Variants in BATF3 observed in about 807,000 individuals in gnomAD.
The protein encoded by BATF3 is basic leucine zipper transcriptional factor ATF-like 3.
In BATF3, 8 loss-of-function variants were observed where a neutral mutation model predicts 16.1. That is an observed-to-expected ratio of 0.50 (90% confidence interval 0.29 to 0.90). The LOEUF (loss-of-function observed/expected upper bound fraction) is 0.90, where lower values mean the gene tolerates loss of function less well. Ranked by LOEUF, BATF3 falls within the 40% of genes least tolerant of loss-of-function variation. The pLI is 0.08. For synonymous variants in BATF3, 74 were observed against 72.7 expected (o/e 1.02, Z -0.09); for missense variants, 139 against 167.0 (o/e 0.83, Z 0.92).
chr1:212,693,697 A>G (rs533249281), intron 2 of BATF3, among the ~76,000 whole-genome samples: 1 of 152,328 alleles, frequency 6.6e-6, no homozygotes, highest in African/African-American at 2.4e-5. Flanking sequence ...GAGGTCAGAT[A>G]GGGGTAAAGG....
At chr1:212,688,454 C>T (rs1476947577) in intron 2 of BATF3, among the ~76,000 whole-genome samples, 2 of 152,246 alleles carry the variant, frequency 1.3e-5, no homozygotes, top group Non-Finnish European at 2.9e-5. Flanking sequence ...TCTGCATGTG[C>T]TGCTTCTCCG....
At chr1:212,694,068 CA>C (rs1339297679) in intron 2 of BATF3, among the ~76,000 whole-genome samples, 1 of 152,144 alleles carries the variant, frequency 6.6e-6, no homozygotes, top group Non-Finnish European at 1.5e-5. Flanking sequence ...GAAGATGTGA[CA>C]ACGGAAACAG....
chr1:212,697,394 T>C lies in BATF3; in HGVS notation c.91-329A>G, dbSNP rs559955611. ...CTGTTGGTCTCCAAATCAACGTTCA[T>C]AAACCTCTAGCCCACAGGGCGTGTG... On this transcript the variant is annotated intron_variant, in intron 1 of 2. Transcript: ENST00000243440. 5.4e-4 allele frequency: 90 copies of C among 165,540 alleles called. 3 individuals carry two copies. In the South Asian group the frequency reaches 0.012, roughly 22 times the overall value. 10.3% of individuals were successfully genotyped at this position (165,540 alleles called of 1,614,324 possible).
At chr1:212,693,696 TA>T (rs1233989228) in intron 2 of BATF3, among the ~76,000 whole-genome samples, 6 of 152,108 alleles carry the variant, frequency 3.9e-5, no homozygotes, top group Admixed American at 2.6e-4. Context: ...AGAGGTCAGA[TA>T]GGGGTAAAGG....
chr1:212,687,286 T>C (rs1656873012), intron 2 of BATF3, among the ~76,000 whole-genome samples: 1 of 152,198 alleles, frequency 6.6e-6, no homozygotes, highest in African/African-American at 2.4e-5. Context: ...CTCCAAAAAG[T>C]TCCCCATGCC....
chr1:212,699,096 C>A lies in BATF3; in HGVS notation c.90+577G>T, dbSNP rs1657199263. ...GTTTCCAGACGGCCGTCCCTGTGGC[C>A]AACCTGGTCTCCTTCCTGACTGCGC... On this transcript the variant is annotated intron_variant, in intron 1 of 2. Transcript: ENST00000243440. This position sits in a 1 kb window ranked among gnomAD's most constrained non-coding sequence, Gnocchi z 4.4. Among the ~76,000 whole-genome samples, 2 of 152,228 alleles carry A rather than the reference C, an allele frequency of 1.3e-5. No homozygotes were observed. The highest frequency in any genetic ancestry group is 4.8e-5 in the African/African-American group (2 of 41,458).
In BATF3 at chr1:212,696,962, T is replaced by C. The variant is rs1211092768; in HGVS notation, c.194A>G (p.Glu65Gly). 1 of 1,613,968 alleles carries C rather than the reference T, an allele frequency of 6.2e-7. No homozygotes were observed. Among genetic ancestry groups the C allele is most frequent in the Non-Finnish European group, 8.5e-7 (1 of 1,179,846 alleles). The change falls in exon 2 of 3, where the codon GAG becomes GGG. Residue 65 changes from glutamate (E) to glycine (G), a missense_variant and splice_region_variant. Physicochemically the swap from Glu to Gly is moderately conservative, Grantham distance 98. Transcript: ENST00000243440. ...KQTQKADKLH[E>G]EYESLEQENT... Reference sequence around the variant, plus strand: ...GGCTTGCCCCTACCACGGTCTCACCTCATGGAGCTTGTCAGCCTTCTGGGT... The same window carrying C: ...GGCTTGCCCCTACCACGGTCTCACCCCATGGAGCTTGTCAGCCTTCTGGGT...
chr1:212,698,796 T>C (rs1657190187), intron 1 of BATF3: 1 of 152,258 alleles, frequency 6.6e-6, no homozygotes, highest in Admixed American at 6.5e-5. Flanking sequence ...GATAGTATTA[T>C]GTTATTAACC....
At chr1:212,696,388 G>A (rs1476962947) in intron 2 of BATF3, among the ~76,000 whole-genome samples, 1 of 152,002 alleles carries the variant, frequency 6.6e-6, no homozygotes, top group Non-Finnish European at 1.5e-5. Context: ...GCAGTGCCAG[G>A]GCACTGATGG....
rs1315685079 is a variant in BATF3, at chr1:212,689,998, A to G, written c.196-3019T>C. The stretch of plus-strand genomic sequence containing the variant: ...CACACATACAGTCATACACACATAC[A>G]TACACCTCACACAGTCACACACACT... On this transcript the variant is annotated intron_variant, in intron 2 of 2. Coordinates refer to ENST00000243440, the MANE Select transcript of BATF3 (RefSeq NM_018664.3). This position sits in a 1 kb window ranked among gnomAD's most constrained non-coding sequence, Gnocchi z 4.6. Among the ~76,000 whole-genome samples the G allele has an allele frequency of 6.6e-6, 1 of 151,672 alleles. No individual in the cohort carries two copies. The highest frequency in any genetic ancestry group is 1.5e-5 in the Non-Finnish European group (1 of 67,922).
At chr1:212,688,990 C>A (rs2102400476) in intron 2 of BATF3, among the ~76,000 whole-genome samples, 1 of 152,334 alleles carries the variant, frequency 6.6e-6, no homozygotes, top group East Asian at 1.9e-4. Context: ...TTATCCTCAA[C>A]TGGACTGCCT....
chr1:212,696,089 T>C (rs1000822850), intron 2 of BATF3, among the ~76,000 whole-genome samples: 1 of 151,134 alleles, frequency 6.6e-6, no homozygotes, highest in Non-Finnish European at 1.5e-5. Context: ...GTAATCAATG[T>C]TGGGAGCTGA....
chr1:212,699,788 G>A lies in BATF3; in HGVS notation c.-26C>T, dbSNP rs1003222901. On this transcript the variant is annotated 5_prime_UTR_variant, in exon 1 of 3. Coordinates refer to ENST00000243440, the MANE Select transcript of BATF3 (RefSeq NM_018664.3). This position sits in a 1 kb window ranked among gnomAD's most constrained non-coding sequence, Gnocchi z 4.4. ...GCCGGGCGCTCCTCTGGCCCGGCCC[G>A]CCCCGCCCCGCCCGCGCGCCCTGCC... 1.0e-5 allele frequency: 10 copies of A among 987,972 alleles called. No individual in the cohort carries two copies. The highest frequency in any genetic ancestry group is 1.2e-5 in the Non-Finnish European group (10 of 839,670). 61.2% of individuals were successfully genotyped at this position (987,972 alleles called of 1,614,324 possible). A position where few individuals can be genotyped will look rare whatever the true frequency, so the allele number is the denominator to read the frequency against.
chr1:212,686,597 G>T lies in BATF3; in HGVS notation c.*194C>A. On this transcript the variant is annotated 3_prime_UTR_variant, in exon 3 of 3. Transcript: ENST00000243440. ...TGGCCTCCATGCTGGATCTGCACAA[G>T]GGCTCTGTGAGTTTGGCGCCTGTTG... 1 of 884,702 alleles carries T rather than the reference G, an allele frequency of 1.1e-6. No individual in the cohort carries two copies. The highest frequency in any genetic ancestry group is 1.7e-6 in the Non-Finnish European group (1 of 603,066). 54.8% of individuals were successfully genotyped at this position (884,702 alleles called of 1,614,324 possible).
At chr1:212,697,738 T>C (rs1657165191) in intron 1 of BATF3, 1 of 152,262 alleles carries the variant, frequency 6.6e-6, no homozygotes, top group African/African-American at 2.4e-5. Flanking sequence ...ATATGTAAGA[T>C]TTAACCAAAT....
chr1:212,688,128 T>G (rs553141936), intron 2 of BATF3, among the ~76,000 whole-genome samples: 3 of 152,142 alleles, frequency 2.0e-5, no homozygotes, highest in Non-Finnish European at 4.4e-5. Flanking sequence ...CAAATGTACC[T>G]GTTGGGTTTG....
intron 2 of BATF3, among the ~76,000 whole-genome samples, chr1:212,693,178 C>T (rs1338685795): frequency 6.6e-6 from 1 of 152,200 alleles, no homozygotes; most frequent in Admixed American, 6.5e-5. Context: ...ATTTAGTCAT[C>T]CAATGATACA....
chr1:212,696,423 G>GGGGT (rs1553247485), intron 2 of BATF3, among the ~76,000 whole-genome samples: 34 of 148,598 alleles, frequency 2.3e-4, no homozygotes, highest in Middle Eastern at 3.5e-3. Context: ...GTTTCTGTAG[G>GGGGT]GTGTGTGTGT....
chr1:212,699,830 G>T lies in BATF3; in HGVS notation c.-68C>A, dbSNP rs1226892599. Reference sequence around the variant, plus strand: ...CGCCCTGCCCGTGGGGCTGCCTACGGGCGCTGTCCCGCCGCCGGCATCCTC... The same window carrying T: ...CGCCCTGCCCGTGGGGCTGCCTACGTGCGCTGTCCCGCCGCCGGCATCCTC... On this transcript the variant is annotated 5_prime_UTR_variant, in exon 1 of 3. Coordinates refer to ENST00000243440, the MANE Select transcript of BATF3 (RefSeq NM_018664.3). The surrounding 1 kb of genome is among the most constrained non-coding windows in gnomAD (Gnocchi z 4.4). The T allele has an allele frequency of 1.0e-6, 1 of 1,004,424 alleles. No individual in the cohort carries two copies. Among genetic ancestry groups the T allele is most frequent in the Non-Finnish European group, 1.2e-6 (1 of 826,232 alleles). The allele number at this position is 1,004,424 out of a possible 1,614,324, so 62.2% of individuals were successfully genotyped here.
Sources: allele counts gnomAD v4.1 joint callset (sites outside exome capture counted in the v4.1 genomes callset), GRCh38; gene constraint gnomAD v4.1.1; non-coding constraint Gnocchi (gnomAD v3.1); transcripts MANE v1.5; gene names NCBI Gene and HGNC (gene_info 2026-07-23, HGNC 2026-07-21).